SLC13A1: variants seen among roughly 807,000 people sequenced by gnomAD.
SLC13A1 encodes Na(+)/sulfate cotransporter.
Under a neutral mutation model 70.0 loss-of-function variants are expected in SLC13A1, and 65 were observed. The ratio of observed to expected loss-of-function variants is 0.93; its 90% confidence interval spans 0.76 to 1.14. SLC13A1 has a LOEUF of 1.14. Among genes scored for constraint, SLC13A1 ranks in the 50% most tolerant of loss-of-function variants. SLC13A1 has a pLI of 0.00. For missense variants in SLC13A1, 726 were observed against 717.8 expected (o/e 1.01, Z -0.13); for synonymous variants, 275 against 250.5 (o/e 1.10, Z -0.92).
At chr7:123,132,554 T>C (rs1793801746) in intron 8 of SLC13A1, among the ~76,000 whole-genome samples, 2 of 152,082 alleles carry the variant, frequency 1.3e-5, no homozygotes, top group African/African-American at 4.8e-5. Context: ...GTATTTTTAG[T>C]AGAGAAGGGG....
intron 8 of SLC13A1, among the ~76,000 whole-genome samples, chr7:123,130,762 TTAAG>T: frequency 6.6e-6 from 1 of 152,206 alleles, no homozygotes. Flanking sequence ...ATTTTTTTCT[TTAAG>T]TTTCTTTACT....
intron 2 of SLC13A1, among the ~76,000 whole-genome samples, chr7:123,180,478 A>G (rs1795601803): frequency 3.3e-5 from 5 of 152,146 alleles, no homozygotes; most frequent in Admixed American, 2.6e-4. Flanking sequence ...TATAGAACAA[A>G]TAAACACCTC....
At chr7:123,145,411 A>G (rs1794316554) in intron 7 of SLC13A1, among the ~76,000 whole-genome samples, 1 of 152,174 alleles carries the variant, frequency 6.6e-6, no homozygotes, top group Non-Finnish European at 1.5e-5. Context: ...GACTGTATCA[A>G]CTAATTTCAT....
intron 1 of SLC13A1, among the ~76,000 whole-genome samples, chr7:123,184,914 G>A (rs1177213351): frequency 2.0e-5 from 3 of 151,844 alleles, no homozygotes; most frequent in Non-Finnish European, 4.4e-5. Flanking sequence ...TTTCATAATG[G>A]CTGTACTAAG....
chr7:123,188,116 G>C (rs1795872228), intron 1 of SLC13A1, among the ~76,000 whole-genome samples: 1 of 152,130 alleles, frequency 6.6e-6, no homozygotes, highest in African/African-American at 2.4e-5. Context: ...TTGAATAATG[G>C]GCGCAGTTTC....
At chr7:123,196,118 A>T (rs1796169286) in intron 1 of SLC13A1, among the ~76,000 whole-genome samples, 4 of 152,152 alleles carry the variant, frequency 2.6e-5, no homozygotes, top group African/African-American at 9.6e-5. Context: ...ATGTCAGTAT[A>T]TACTAGGCCA....
intron 1 of SLC13A1, among the ~76,000 whole-genome samples, chr7:123,188,603 G>A (rs1795894648): frequency 6.6e-6 from 1 of 151,726 alleles, no homozygotes; most frequent in African/African-American, 2.4e-5. Context: ...TCATTTTTCT[G>A]TTGGGTTATT....
intron 2 of SLC13A1, among the ~76,000 whole-genome samples, chr7:123,177,599 T>C (rs1006046764): frequency 3.3e-5 from 5 of 152,104 alleles, no homozygotes; most frequent in African/African-American, 9.7e-5. Context: ...CTTTTCCAAT[T>C]ACACTGCAGA....
At chr7:123,167,860 C>T (rs974258231) in intron 6 of SLC13A1, among the ~76,000 whole-genome samples, 1 of 151,720 alleles carries the variant, frequency 6.6e-6, no homozygotes, top group Admixed American at 6.6e-5. Flanking sequence ...GAAGAAATGA[C>T]GACGATGCCC....
rs894076997 is a variant in SLC13A1, at chr7:123,123,905, G to A, written c.1241-670C>T. ...GACATATTCTGCCCATTTAACTTGT[G>A]TATAACAGGCAGCCTTCTACATGGT... On this transcript the variant is annotated intron_variant, in intron 11 of 14. Transcript: ENST00000194130. Among the ~76,000 whole-genome samples the A allele has an allele frequency of 4.6e-5, 7 of 152,184 alleles. No individual in the cohort carries two copies. In the South Asian group the frequency reaches 1.2e-3, roughly 27 times the overall value.
chr7:123,163,090 C>T (rs1250639759), intron 6 of SLC13A1, among the ~76,000 whole-genome samples: 1 of 152,026 alleles, frequency 6.6e-6, no homozygotes, highest in Non-Finnish European at 1.5e-5. Flanking sequence ...AAAGAACTAG[C>T]AACTTTATTC....
chr7:123,191,110 G>A (rs988578517), intron 1 of SLC13A1, among the ~76,000 whole-genome samples: 1 of 151,998 alleles, frequency 6.6e-6, no homozygotes, highest in African/African-American at 2.4e-5. Flanking sequence ...TTCTCATCTA[G>A]CACTTTTACA....
chr7:123,186,823 G>T, intron 1 of SLC13A1: 3 of 444,182 alleles, frequency 6.8e-6, no homozygotes, highest in South Asian at 4.8e-5. Context: ...TTCTTAAACT[G>T]AATGATAGCA....
At chr7:123,173,920 A>G (rs958840071) in intron 2 of SLC13A1, among the ~76,000 whole-genome samples, 1 of 150,364 alleles carries the variant, frequency 6.7e-6, no homozygotes, top group Non-Finnish European at 1.5e-5. Flanking sequence ...TACTCTAGGT[A>G]TAAGTATTTC....
In SLC13A1 at chr7:123,115,465, A is replaced by T. The variant is rs192928856; in HGVS notation, c.*53T>A. 9 of 1,570,746 alleles carry T rather than the reference A, an allele frequency of 5.7e-6. No homozygotes were observed. Among genetic ancestry groups the T allele is most frequent in the African/African-American group, 2.7e-5 (2 of 74,090 alleles). On this transcript the variant is annotated 3_prime_UTR_variant, in exon 15 of 15. Transcript: ENST00000194130. ...TATTTAGAGCCACATTTTACAGTCA[A>T]TCATTAATGTCTTCCAGAAATTACC...
At chr7:123,138,462 G>A (rs1355663834) in intron 7 of SLC13A1, among the ~76,000 whole-genome samples, 1 of 152,076 alleles carries the variant, frequency 6.6e-6, no homozygotes, top group Non-Finnish European at 1.5e-5. Flanking sequence ...TCACATGGTA[G>A]CTTTATTTTA....
chr7:123,162,367 A>G (rs1794944975), intron 6 of SLC13A1, among the ~76,000 whole-genome samples: 1 of 152,124 alleles, frequency 6.6e-6, no homozygotes, highest in African/African-American at 2.4e-5. Context: ...GACTCTAATA[A>G]AGGTTGAAAT....
chr7:123,196,394 T>C (rs1280237427), intron 1 of SLC13A1, among the ~76,000 whole-genome samples: 1 of 152,134 alleles, frequency 6.6e-6, no homozygotes, highest in East Asian at 1.9e-4. Flanking sequence ...ATATTTATTA[T>C]GACCACGGAA....
chr7:123,168,479 C>T, intron 5 of SLC13A1, 25 bp downstream of exon 5: 1 of 1,599,178 alleles, frequency 6.3e-7, no homozygotes, highest in Non-Finnish European at 8.5e-7. Context: ...GGAAAAATCC[C>T]AATCAAAATG....
Sources: gnomAD v4.1 joint callset for allele counts (sites outside exome capture counted in the v4.1 genomes callset) on GRCh38, gnomAD v4.1.1 for gene constraint, MANE v1.5 for transcripts, NCBI Gene and HGNC (gene_info 2026-07-23, HGNC 2026-07-21) for gene names.